RNFT2: variants seen among roughly 807,000 people sequenced by gnomAD.
The protein encoded by RNFT2 is E3 ubiquitin-protein ligase RNFT2.
In RNFT2, 36 loss-of-function variants were observed where a neutral mutation model predicts 53.0. The ratio of observed to expected loss-of-function variants is 0.68; its 90% CI spans 0.52 to 0.90. The LOEUF is 0.90. Ranked by LOEUF, RNFT2 falls within the 40% of genes least tolerant of loss-of-function variation. RNFT2 has a pLI of 0.00. For synonymous variants in RNFT2, 260 were observed against 253.2 expected (o/e 1.03, Z -0.26); for missense variants, 514 against 585.6 (o/e 0.88, Z 1.26).
intron 3 of RNFT2, among the ~76,000 whole-genome samples, chr12:116,747,512 G>A (rs144362851): frequency 6.6e-6 from 1 of 152,178 alleles, no homozygotes; most frequent in Non-Finnish European, 1.5e-5. Flanking sequence ...GGGCAACAGA[G>A]TGAGACCCCC....
At chr12:116,768,133 CTT>C (rs1413086874) in intron 6 of RNFT2, among the ~76,000 whole-genome samples, 1 of 140,042 alleles carries the variant, frequency 7.1e-6, no homozygotes, top group Non-Finnish European at 1.5e-5. Context: ...GAGTTTCACT[CTT>C]TGTTGCCCAG....
chr12:116,821,123 A>G (rs1875995626), intron 7 of RNFT2, among the ~76,000 whole-genome samples: 1 of 151,618 alleles, frequency 6.6e-6, no homozygotes, highest in Admixed American at 6.6e-5. Flanking sequence ...TCTCACCTGG[A>G]CTCTGCCTCC....
chr12:116,843,504 A>AC (rs1877456750), intron 10 of RNFT2, among the ~76,000 whole-genome samples: 1 of 149,752 alleles, frequency 6.7e-6, no homozygotes, highest in Non-Finnish European at 1.5e-5. Flanking sequence ...AAAAAAAAAA[A>AC]AAAAAAAAAA....
At chr12:116,747,117 C>T (rs1028287838) in intron 3 of RNFT2, among the ~76,000 whole-genome samples, 9 of 152,146 alleles carry the variant, frequency 5.9e-5, no homozygotes, top group Admixed American at 3.9e-4. Context: ...AGTGCAGTGG[C>T]GTGATCTTAA....
chr12:116,789,794 A>G (rs2137132345), intron 7 of RNFT2, among the ~76,000 whole-genome samples: 2 of 121,212 alleles, frequency 1.7e-5, no homozygotes, highest in Admixed American at 8.9e-5. Flanking sequence ...ATGGAAGGAG[A>G]GTGGATGGGT....
chr12:116,807,593 G>T (rs1302173247), intron 7 of RNFT2, among the ~76,000 whole-genome samples: 5 of 151,976 alleles, frequency 3.3e-5, no homozygotes, highest in Admixed American at 1.3e-4. Flanking sequence ...GCCTCTCCCC[G>T]CACCATTCCC....
chr12:116,780,099 G>T (rs933399684), intron 7 of RNFT2, among the ~76,000 whole-genome samples: 13 of 152,178 alleles, frequency 8.5e-5, no homozygotes, highest in African/African-American at 2.9e-4. Context: ...CCCAGGCATT[G>T]CTTGGCAGCA....
intron 7 of RNFT2, among the ~76,000 whole-genome samples, chr12:116,826,308 C>G (rs998667905): frequency 2.6e-5 from 4 of 152,056 alleles, no homozygotes; most frequent in Admixed American, 6.6e-5. Flanking sequence ...ACTCCCACCC[C>G]CTTTATCTGA....
At chr12:116,837,060 A>G (rs1473746473) in intron 10 of RNFT2, among the ~76,000 whole-genome samples, 1 of 152,220 alleles carries the variant, frequency 6.6e-6, no homozygotes, top group Non-Finnish European at 1.5e-5. Context: ...TATCATTGTC[A>G]TCTGTATAAT....
At chr12:116,767,566 GT>G (rs1047312025) in intron 6 of RNFT2, among the ~76,000 whole-genome samples, 4 of 147,016 alleles carry the variant, frequency 2.7e-5, no homozygotes, top group South Asian at 2.1e-4. Context: ...TAAAAATTAT[GT>G]TTTTTTTTTG....
intron 6 of RNFT2, among the ~76,000 whole-genome samples, chr12:116,768,064 A>G (rs1872996325): frequency 6.6e-6 from 1 of 151,582 alleles, no homozygotes; most frequent in Non-Finnish European, 1.5e-5. Context: ...CTTGGTGGGC[A>G]CTGGAGATCA....
chr12:116,789,669 A>ATGGATG (rs1874131809), intron 7 of RNFT2, among the ~76,000 whole-genome samples: 2 of 99,494 alleles, frequency 2.0e-5, no homozygotes, highest in South Asian at 7.8e-4. Flanking sequence ...ATGGATGGAT[A>ATGGATG]AATGGGAGGA....
In RNFT2 at chr12:116,843,555, C is replaced by T. The variant is rs192317700; in HGVS notation, c.1201-5759C>T. 2.5e-3 allele frequency among the ~76,000 whole-genome samples: 378 copies of T among 151,322 alleles called. 2 individuals carry two copies. Among genetic ancestry groups the T allele is most frequent in the African/African-American group, 8.7e-3 (357 of 41,240 alleles). On this transcript the variant is annotated intron_variant, in intron 10 of 10. Transcript: ENST00000257575. ...CAAACAAAAAAACAATCCAGGGCCA[C>T]CTGCCTTCCCCACTGCCCATCAATC...
intron 6 of RNFT2, among the ~76,000 whole-genome samples, chr12:116,768,736 C>CTCTTTT (rs555119379): frequency 1.4e-5 from 2 of 142,936 alleles, no homozygotes; most frequent in African/African-American, 5.1e-5. Flanking sequence ...TTTTCTCTCT[C>CTCTTTT]TTTTTTTTTT....
intron 7 of RNFT2, among the ~76,000 whole-genome samples, chr12:116,802,710 A>T (rs571510387): frequency 2.0e-5 from 3 of 152,150 alleles, no homozygotes; most frequent in African/African-American, 7.2e-5. Context: ...CTAATTTTGG[A>T]CTTCTGGCCT....
chr12:116,784,478 T>C (rs1873846016), intron 7 of RNFT2, among the ~76,000 whole-genome samples: 1 of 152,176 alleles, frequency 6.6e-6, no homozygotes, highest in Non-Finnish European at 1.5e-5. Flanking sequence ...CAATGTCAGC[T>C]GGTACGAAAA....
intron 10 of RNFT2, among the ~76,000 whole-genome samples, chr12:116,842,818 C>A (rs1485669829): frequency 6.6e-6 from 1 of 152,144 alleles, no homozygotes; most frequent in Non-Finnish European, 1.5e-5. Context: ...AAGTGATCCA[C>A]CCACCTTGGC....
chr12:116,827,519 T>A (rs1211790681), intron 7 of RNFT2, among the ~76,000 whole-genome samples: 1 of 152,222 alleles, frequency 6.6e-6, no homozygotes, highest in Admixed American at 6.5e-5. Context: ...TCGTGACTTA[T>A]CTAGATTCTG....
intron 6 of RNFT2, among the ~76,000 whole-genome samples, chr12:116,775,775 G>A (rs1163570552): frequency 2.0e-5 from 3 of 152,236 alleles, no homozygotes; most frequent in Non-Finnish European, 2.9e-5. Context: ...GGGCACAGTG[G>A]CTCACGCCTG....
Sources: allele counts gnomAD v4.1 joint callset (sites outside exome capture counted in the v4.1 genomes callset), GRCh38; gene constraint gnomAD v4.1.1; transcripts MANE v1.5; gene names NCBI Gene and HGNC (gene_info 2026-07-23, HGNC 2026-07-21).